The following ASIC2 variants were observed in gnomAD, a reference collection of about 807,000 sequenced individuals.
ASIC2 encodes acid sensing ion channel subunit 2.
In ASIC2, 25 loss-of-function variants were observed where a neutral mutation model predicts 57.3. That is an observed-to-expected ratio of 0.44 (90% CI 0.32 to 0.61). The LOEUF (loss-of-function observed/expected upper bound fraction) is 0.61, where lower values mean the gene tolerates loss of function less well. ASIC2 is among the 20% of genes least tolerant of loss of function. The pLI is 0.06. For synonymous variants in ASIC2, 319 were observed against 307.5 expected (o/e 1.04, Z -0.39); for missense variants, 641 against 738.1 (o/e 0.87, Z 1.52).
intron 1 of ASIC2, among the ~76,000 whole-genome samples, chr17:33,371,508 C>A (rs1909058694): frequency 6.6e-6 from 1 of 152,152 alleles, no homozygotes; most frequent in Non-Finnish European, 1.5e-5. Context: ...CTTACTAAAA[C>A]CTTCCTTTCC....
At chr17:33,432,164 A>G (rs1438991719) in intron 1 of ASIC2, among the ~76,000 whole-genome samples, 2 of 152,208 alleles carry the variant, frequency 1.3e-5, no homozygotes, top group Non-Finnish European at 2.9e-5. Context: ...CTGAGACAGC[A>G]AGACCTCCTC....
chr17:33,015,571 C>T (rs1292573145), intron 9 of ASIC2, among the ~76,000 whole-genome samples: 1 of 152,226 alleles, frequency 6.6e-6, no homozygotes, highest in African/African-American at 2.4e-5. Flanking sequence ...ATACTCTATC[C>T]CTTTCGAATG....
At chr17:33,083,524 C>G (rs2092121884) in intron 3 of ASIC2, among the ~76,000 whole-genome samples, 2 of 152,168 alleles carry the variant, frequency 1.3e-5, no homozygotes, top group Admixed American at 6.5e-5. Context: ...TATGGAGCAG[C>G]TAACTATTCC....
chr17:33,296,396 A>C (rs1597671233), upstream of ASIC2, among the ~76,000 whole-genome samples: 1 of 152,242 alleles, frequency 6.6e-6, no homozygotes, highest in East Asian at 1.9e-4. Context: ...CTTGGACACA[A>C]TAGCTCCTGT....
chr17:33,677,862 T>C (rs1907874074), intron 1 of ASIC2, among the ~76,000 whole-genome samples: 1 of 152,186 alleles, frequency 6.6e-6, no homozygotes, highest in Non-Finnish European at 1.5e-5. Context: ...TAACAAAGGA[T>C]TGAGCATATT....
intron 1 of ASIC2, among the ~76,000 whole-genome samples, chr17:34,027,524 G>A (rs1049006573): frequency 1.3e-5 from 2 of 152,058 alleles, no homozygotes; most frequent in African/African-American, 4.8e-5. Flanking sequence ...ACCAACCTGA[G>A]CACTTTATTC....
intron 1 of ASIC2, among the ~76,000 whole-genome samples, chr17:33,941,660 C>T (rs1437687327): frequency 6.6e-6 from 1 of 152,166 alleles, no homozygotes; most frequent in Non-Finnish European, 1.5e-5. Context: ...GAGAGGCCAG[C>T]CCACAGAGCA....
intron 1 of ASIC2, among the ~76,000 whole-genome samples, chr17:33,698,767 C>G (rs5019187): frequency 0.29 from 43,501 of 151,686 alleles, 6,476 homozygotes; most frequent in African/African-American, 0.36. Flanking sequence ...CACGAGGCTG[C>G]GGTATGGTGA....
rs1325123358 is a variant in ASIC2 at position 33,610,713 on chromosome 17, TAAA to T, written c.556-498649_556-498647del. 9.0e-3 allele frequency among the ~76,000 whole-genome samples: 1,248 copies of T among 138,714 alleles called. 23 individuals are homozygous for T. Among genetic ancestry groups the T allele is most frequent in the African/African-American group, 0.038 (1,149 of 30,098 alleles). The allele number at this position is 138,714 out of a possible 152,430, so 91.0% of individuals were successfully genotyped here. ...ACCCCCAGATTCTGCAATAAATAAA[TAAA>T]AAATAAATAAATAAATAAATAAATA... On this transcript the variant is annotated intron_variant, in intron 1 of 9. Coordinates refer to the ASIC2 transcript ENST00000359872.
chr17:33,382,110 C>T (rs1389116562), intron 1 of ASIC2, among the ~76,000 whole-genome samples: 3 of 152,126 alleles, frequency 2.0e-5, no homozygotes, highest in Non-Finnish European at 4.4e-5. Flanking sequence ...CTCTGCCAGA[C>T]ACCGGGCGCT....
intron 1 of ASIC2, among the ~76,000 whole-genome samples, chr17:33,579,028 G>T (rs1218883099): frequency 6.6e-6 from 1 of 152,124 alleles, no homozygotes; most frequent in Non-Finnish European, 1.5e-5. Flanking sequence ...TCTCACTCCT[G>T]TAATCCCAGC....
At chr17:33,443,406 ATTTTTTTTTTTT>A (rs779597047) in intron 1 of ASIC2, among the ~76,000 whole-genome samples, 1 of 75,232 alleles carries the variant, frequency 1.3e-5, no homozygotes, top group Non-Finnish European at 2.4e-5. Flanking sequence ...GGAGGGTAAG[ATTTTTTTTTTTT>A]TTTTTTTTTT....
chr17:33,551,632 G>T (rs777073171), intron 1 of ASIC2, among the ~76,000 whole-genome samples: 2 of 152,116 alleles, frequency 1.3e-5, no homozygotes, highest in Non-Finnish European at 2.9e-5. Flanking sequence ...TTAGATTATA[G>T]ACATCCTTCC....
At chr17:33,044,691 T>C (rs1390550184) in intron 3 of ASIC2, among the ~76,000 whole-genome samples, 1 of 152,170 alleles carries the variant, frequency 6.6e-6, no homozygotes, top group Non-Finnish European at 1.5e-5. Context: ...ACTAATCTGT[T>C]CCAGAAACAC....
intron 1 of ASIC2, among the ~76,000 whole-genome samples, chr17:33,450,058 C>T (rs1328031772): frequency 6.6e-6 from 1 of 152,156 alleles, no homozygotes; most frequent in Non-Finnish European, 1.5e-5. Context: ...GTGATCCCAC[C>T]ACACCCGGCC....
At chr17:33,985,227 CT>C (rs1905774220) in intron 1 of ASIC2, among the ~76,000 whole-genome samples, 2 of 152,164 alleles carry the variant, frequency 1.3e-5, no homozygotes, top group African/African-American at 4.8e-5. Context: ...CAGATGAGCA[CT>C]TGGGAAATGA....
At chr17:33,252,850 A>G (rs1908932938) in intron 1 of ASIC2, among the ~76,000 whole-genome samples, 1 of 151,882 alleles carries the variant, frequency 6.6e-6, no homozygotes, top group Non-Finnish European at 1.5e-5. Flanking sequence ...TTAACAACAT[A>G]CTCGCAGACT....
intron 1 of ASIC2, among the ~76,000 whole-genome samples, chr17:33,604,261 T>G (rs779398924): frequency 1.4e-4 from 22 of 152,170 alleles, no homozygotes; most frequent in Non-Finnish European, 3.1e-4. Context: ...TCTTTGGTTG[T>G]TTGTATTCTG....
chr17:34,031,807 A>G (rs1265778804), intron 1 of ASIC2, among the ~76,000 whole-genome samples: 1 of 152,220 alleles, frequency 6.6e-6, no homozygotes, highest in Non-Finnish European at 1.5e-5. Context: ...AGAGAAGTTT[A>G]GAGAAAAAAG....
Sources: gnomAD v4.1 joint callset for allele counts (sites outside exome capture counted in the v4.1 genomes callset) on GRCh38, gnomAD v4.1.1 for gene constraint, MANE v1.5 for transcripts, NCBI Gene and HGNC (gene_info 2026-07-23, HGNC 2026-07-21) for gene names.